CEP290: variants seen among roughly 807,000 people sequenced by gnomAD.
CEP290 encodes the protein centrosomal protein 290, also known as centrosomal protein of 290 kDa.
A neutral mutation model predicts 344.9 loss-of-function variants in CEP290; 317 were observed. The observed-to-expected ratio is 0.92, with a 90% CI of 0.84 to 1.01. The LOEUF is 1.01. CEP290 is among the 50% of genes least tolerant of loss of function. The probability of loss-of-function intolerance (pLI) is 0.00; values close to 1 mark genes in which losing one functional copy is unlikely to be tolerated. For synonymous variants in CEP290, 932 were observed against 895.8 expected (o/e 1.04, Z -0.72); for missense variants, 2,754 against 2,761.4 (o/e 1.00, Z 0.06).
intron 20 of CEP290, among the ~76,000 whole-genome samples, chr12:88,112,351 A>T (rs924225737): frequency 1.3e-5 from 2 of 152,168 alleles, no homozygotes; most frequent in Non-Finnish European, 1.5e-5. Flanking sequence ...ATATTGAACA[A>T]TTGATCAATA....
intron 26 of CEP290, among the ~76,000 whole-genome samples, chr12:88,100,772 GA>G (rs1462765158): frequency 1.3e-5 from 2 of 151,474 alleles, no homozygotes; most frequent in Admixed American, 1.3e-4. Flanking sequence ...GTATGCTTAA[GA>G]AAAAAAAGGT....
At chr12:88,053,187 A>T (rs896784687) in intron 52 of CEP290, among the ~76,000 whole-genome samples, 3 of 152,212 alleles carry the variant, frequency 2.0e-5, no homozygotes, top group Non-Finnish European at 4.4e-5. Context: ...GTGTATGTAT[A>T]TGCAGGAATG....
At chr12:88,094,306 T>A (rs1021348054) in intron 27 of CEP290, among the ~76,000 whole-genome samples, 1 of 152,022 alleles carries the variant, frequency 6.6e-6, no homozygotes, top group Non-Finnish European at 1.5e-5. Flanking sequence ...AAGTAAACAT[T>A]TTACTGAAAG....
chr12:88,120,519 A>C (rs1565900452), intron 14 of CEP290, among the ~76,000 whole-genome samples: 4 of 152,118 alleles, frequency 2.6e-5, no homozygotes, highest in Admixed American at 2.0e-4. Context: ...AATATGCATT[A>C]CATATAAAAA....
intron 4 of CEP290, 46 bp from the exon 5 acceptor site, chr12:88,139,237 C>A: frequency 1.3e-6 from 1 of 761,522 alleles, no homozygotes; most frequent in South Asian, 2.2e-5. Flanking sequence ...GATTAGTTAC[C>A]ACAAAACAAA....
At chr12:88,120,444 A>T (rs2039334112) in intron 14 of CEP290, among the ~76,000 whole-genome samples, 168 bp from the exon 15 acceptor site, 1 of 152,226 alleles carries the variant, frequency 6.6e-6, no homozygotes. Flanking sequence ...TCCAGTAATA[A>T]TAATGATGTA....
At chr12:88,082,747 G>T (rs2036285705) in intron 37 of CEP290, among the ~76,000 whole-genome samples, 1 of 152,094 alleles carries the variant, frequency 6.6e-6, no homozygotes, top group Non-Finnish European at 1.5e-5. Flanking sequence ...AGGTAAAAAT[G>T]AGATTCTGGA....
In CEP290 at chr12:88,068,602, G is replaced by A. The variant is rs1016623078; in HGVS notation, c.6055C>T (p.His2019Tyr). Residue 2019 changes from histidine (H) to tyrosine (Y), a missense_variant, in exon 44 of 54, where the codon CAT becomes TAT. Physicochemically the swap from His to Tyr is moderately conservative, Grantham distance 83. Coordinates refer to ENST00000552810, the MANE Select transcript of CEP290 (RefSeq NM_025114.4). Reference sequence around the variant, plus strand: ...TCTTGGAGGTATCTATTTTGTAAATGTAAATCTTCTACAACAGAATCTCGA... The same window carrying A: ...TCTTGGAGGTATCTATTTTGTAAATATAAATCTTCTACAACAGAATCTCGA... ...LPRDSVVEDL[H>Y]LQNRYLQEKL... 3 of 1,592,716 alleles carry A rather than the reference G, an allele frequency of 1.9e-6. No homozygotes were observed. The highest frequency in any genetic ancestry group is 2.3e-5 in the East Asian group (1 of 43,566).
At chr12:88,130,174 G>A (rs2039976959) in intron 9 of CEP290, 94 bp downstream of exon 9, 2 of 1,230,232 alleles carry the variant, frequency 1.6e-6, no homozygotes, top group Non-Finnish European at 1.1e-6. Flanking sequence ...TTATACCAGG[G>A]AATTTACATG....
At position 88,087,878 on chromosome 12, in the gene CEP290, C is replaced by G; in HGVS notation, c.4096G>C (p.Val1366Leu). ...TATTTTATTTCTTCTTTATCCTTGA[C>G]TAATTCCCGATTTAGTTTAAGTTCT... is the stretch of plus-strand genomic sequence containing the variant. ...LQELKLNREL[V>L]KDKEEIKYLN... The change falls in exon 32 of 54, where the codon GTC (valine) becomes CTC (leucine). Residue 1366 changes from valine (V) to leucine (L), a missense_variant. Physicochemically the swap from Val to Leu is conservative, Grantham distance 32. Transcript: ENST00000552810. 2 of 1,235,822 alleles carry G rather than the reference C, an allele frequency of 1.6e-6. No individual in the cohort carries two copies. The highest frequency in any genetic ancestry group is 2.1e-6 in the Non-Finnish European group (2 of 964,804). 76.6% of individuals were successfully genotyped at this position (1,235,822 alleles called of 1,614,324 possible). A position where few individuals can be genotyped will look rare whatever the true frequency, so the allele number is the denominator to read the frequency against.
At chr12:88,062,608 G>C in intron 46 of CEP290, 84 bp downstream of exon 46, 2 of 836,496 alleles carry the variant, frequency 2.4e-6, no homozygotes, top group Non-Finnish European at 4.0e-6. Flanking sequence ...AGGCATATCA[G>C]TACTTTTACA....
In CEP290 at chr12:88,054,327, A is replaced by G; in HGVS notation, c.7034+13T>C. 1 of 1,561,330 alleles carries G rather than the reference A, an allele frequency of 6.4e-7. No individual in the cohort carries two copies. The highest frequency in any genetic ancestry group is 8.7e-7 in the Non-Finnish European group (1 of 1,145,340). On this transcript the variant is annotated intron_variant, in intron 51 of 53. Coordinates refer to ENST00000552810, the MANE Select transcript of CEP290 (RefSeq NM_025114.4). ...AGAAAAAAACAAAGTAGTCATATGAATACATGATGTACCTAAGAACTTGAA... is the reference window on the plus strand; with the variant it reads ...AGAAAAAAACAAAGTAGTCATATGAGTACATGATGTACCTAAGAACTTGAA...
chr12:88,111,461 T>C (rs1478775310), intron 21 of CEP290, 110 bp from the exon 22 acceptor site: 3 of 1,102,804 alleles, frequency 2.7e-6, no homozygotes, highest in Middle Eastern at 2.0e-4. Context: ...CATACTTCAG[T>C]TTCTGCTTAG....
chr12:88,049,288 T>C lies in CEP290; in HGVS notation c.7336A>G (p.Lys2446Glu). 6.2e-7 allele frequency: 1 copy of C among 1,606,760 alleles called. No individual in the cohort carries two copies. The highest frequency in any genetic ancestry group is 8.5e-7 in the Non-Finnish European group (1 of 1,175,238). Residue 2446 changes from lysine (K) to glutamate (E), a missense_variant, in exon 54 of 54, where the codon AAA becomes GAA. Lys to Glu is a moderately conservative substitution (Grantham distance 56). Transcript: ENST00000552810. ...ACTCCCAATTGTTCTGAAAGTTTTT[T>C]TACCTTCTCTTCTAAGAGAATATTC... is the stretch of plus-strand genomic sequence containing the variant. ...KKNILLEEKVKKLSEQLGVEL... is the reference protein window; with the variant it reads ...KKNILLEEKVEKLSEQLGVEL...
intron 37 of CEP290, among the ~76,000 whole-genome samples, chr12:88,080,768 C>T (rs1241864256): frequency 6.6e-6 from 1 of 152,056 alleles, no homozygotes; most frequent in African/African-American, 2.4e-5. Context: ...GCAATTCATA[C>T]CTTGATTAAT....
chr12:88,080,226 C>T lies in CEP290; in HGVS notation c.5182G>A (p.Glu1728Lys). 3 of 1,612,972 alleles carry T rather than the reference C, an allele frequency of 1.9e-6. No individual in the cohort carries two copies. The highest frequency in any genetic ancestry group is 2.5e-6 in the Non-Finnish European group (3 of 1,179,344). ...AAGGCTAATTGGCTCTTTAGCCGTT[C>T]TACTAGATTTCTCATTGTAGTTGTT... is the stretch of plus-strand genomic sequence containing the variant. ...APTTTMRNLV[E>K]RLKSQLALKE... Residue 1728 changes from glutamate to lysine, a missense_variant, in exon 38 of 54, where the codon GAA (glutamate) becomes AAA (lysine). Coordinates refer to ENST00000552810, the MANE Select transcript of CEP290 (RefSeq NM_025114.4).
chr12:88,060,326 G>A (rs554460392), intron 47 of CEP290, among the ~76,000 whole-genome samples: 2 of 152,156 alleles, frequency 1.3e-5, no homozygotes, highest in African/African-American at 2.4e-5. Context: ...CACAGAGGCC[G>A]CAGTGGGCGG....
chr12:88,106,306 G>T (rs2038274256), intron 25 of CEP290, among the ~76,000 whole-genome samples: 1 of 151,760 alleles, frequency 6.6e-6, no homozygotes, highest in African/African-American at 2.4e-5. Context: ...AAAACCAAGG[G>T]GATTCTATAT....
chr12:88,079,286 G>T, intron 38 of CEP290, 57 bp from the exon 39 acceptor site: 1 of 1,311,284 alleles, frequency 7.6e-7, no homozygotes, highest in South Asian at 1.5e-5. Context: ...CATTTTATAT[G>T]AATATATGAT....
Sources: allele counts gnomAD v4.1 joint callset (sites outside exome capture counted in the v4.1 genomes callset), GRCh38; gene constraint gnomAD v4.1.1; transcripts MANE v1.5; gene names NCBI Gene and HGNC (gene_info 2026-07-23, HGNC 2026-07-21).